ERG: variants seen among roughly 807,000 people sequenced by gnomAD.
The protein encoded by ERG is transcriptional regulator ERG.
A neutral mutation model predicts 55.3 loss-of-function variants in ERG; 9 were observed. The observed-to-expected ratio is 0.16, with a 90% confidence interval of 0.10 to 0.28. The LOEUF is 0.28. Among genes scored for constraint, ERG ranks in the 10% least tolerant of loss-of-function variants. The probability of loss-of-function intolerance (pLI) is 1.00; values close to 1 mark genes in which losing one functional copy is unlikely to be tolerated. For missense variants in ERG, 434 were observed against 631.6 expected, an observed-to-expected ratio of 0.69 and a Z score of 3.35; for synonymous variants, 223 against 237.3, an observed-to-expected ratio of 0.94 and a Z score of 0.55.
intron 6 of ERG, among the ~76,000 whole-genome samples, chr21:38,393,055 T>G (rs1988050552): frequency 6.6e-6 from 1 of 152,246 alleles, no homozygotes; most frequent in South Asian, 2.1e-4. Flanking sequence ...CTCCCATTTC[T>G]AATGTTCTAA....
intron 3 of ERG, among the ~76,000 whole-genome samples, chr21:38,422,935 T>C (rs1989611803): frequency 1.3e-5 from 2 of 152,194 alleles, no homozygotes; most frequent in Admixed American, 1.3e-4. Flanking sequence ...GACAGGATAT[T>C]TGGAACAATA....
At chr21:38,643,237 T>C (rs2060435840) in intron 1 of ERG, among the ~76,000 whole-genome samples, 1 of 152,206 alleles carries the variant, frequency 6.6e-6, no homozygotes, top group African/African-American at 2.4e-5. Flanking sequence ...TCAGGCAGGA[T>C]ACCAGAGCAC....
At chr21:38,453,055 G>A (rs1217846725) in intron 1 of ERG, among the ~76,000 whole-genome samples, 3 of 152,194 alleles carry the variant, frequency 2.0e-5, no homozygotes, top group Non-Finnish European at 2.9e-5. Context: ...ATGAAGAGAC[G>A]TGTTTTTGTG....
intron 1 of ERG, among the ~76,000 whole-genome samples, chr21:38,584,221 T>C (rs947606720): frequency 6.6e-6 from 1 of 152,184 alleles, no homozygotes; most frequent in African/African-American, 2.4e-5. Flanking sequence ...CCCCATAACC[T>C]TGATCCCTGC....
Position 38,403,540 on chromosome 21 carries a change from G to A in ERG, c.558C>T (p.Asp186=), listed in dbSNP as rs1023067083. 2.5e-6 allele frequency: 4 copies of A among 1,614,068 alleles called. No homozygotes were observed. The highest frequency in any genetic ancestry group is 2.7e-5 in the African/African-American group (2 of 74,932). Residue 186 remains aspartate, a synonymous_variant, in exon 4 of 10, where the codon GAC becomes GAT. Coordinates refer to ENST00000288319, the MANE Select transcript of ERG (RefSeq NM_182918.4). ...FQRLTPSYNA[D]ILLSHLHYLR... ...GGTAGTGGAGATGTGAGAGAAGGAT[G>A]TCGGCGTTGTAGCTGGGGGTGAGCC...
At chr21:38,466,847 C>T (rs1302326632) in intron 1 of ERG, among the ~76,000 whole-genome samples, 2 of 152,146 alleles carry the variant, frequency 1.3e-5, no homozygotes, top group Non-Finnish European at 2.9e-5. Context: ...AACAGGGTTT[C>T]TCTACTGGAA....
intron 7 of ERG, among the ~76,000 whole-genome samples, 176 bp from the exon 8 acceptor site, chr21:38,391,891 G>A (rs1173682481): frequency 6.6e-6 from 1 of 151,224 alleles, no homozygotes; most frequent in Non-Finnish European, 1.5e-5. Context: ...TGTAAACACT[G>A]TAACAAAAAA....
intron 2 of ERG, among the ~76,000 whole-genome samples, chr21:38,533,303 C>T (rs189190626): frequency 7.7e-4 from 117 of 152,244 alleles, no homozygotes; most frequent in Non-Finnish European, 1.4e-3. Flanking sequence ...ACAAAGACGA[C>T]AACTGGTTTA....
chr21:38,449,130 C>T (rs1208835914), intron 1 of ERG: 1 of 152,212 alleles, frequency 6.6e-6, no homozygotes, highest in Non-Finnish European at 1.5e-5. Context: ...GCTTCAGTGG[C>T]TTTATAACAG....
intron 2 of ERG, among the ~76,000 whole-genome samples, chr21:38,441,926 G>A (rs982405385): frequency 1.5e-4 from 23 of 152,198 alleles, no homozygotes; most frequent in Admixed American, 5.9e-4. Context: ...CGAACCCACC[G>A]GAGGACCCGG....
chr21:38,407,571 T>C (rs1039278202), intron 3 of ERG, among the ~76,000 whole-genome samples: 2 of 149,490 alleles, frequency 1.3e-5, no homozygotes, highest in African/African-American at 4.9e-5. Flanking sequence ...ATACTTGGGT[T>C]ACAAATTATT....
At position 38,429,156 on chromosome 21, in the gene ERG, G is replaced by A. The variant is rs376953566; in HGVS notation, c.237-5595C>T. Among the ~76,000 whole-genome samples, 215 of 152,142 alleles carry A rather than the reference G, an allele frequency of 1.4e-3. 1 individual carries two copies. The highest frequency in any genetic ancestry group is 4.1e-3 in the African/African-American group (172 of 41,498). On this transcript the variant is annotated intron_variant, in intron 2 of 9. Coordinates refer to ENST00000288319, the MANE Select transcript of ERG (RefSeq NM_182918.4). Reference sequence around the variant, plus strand: ...ACAATATTTGGTTTTCCATTCCTGAGTTACTTCGGTTAGAATAATGGTCTC... The same window carrying A: ...ACAATATTTGGTTTTCCATTCCTGAATTACTTCGGTTAGAATAATGGTCTC...
chr21:38,605,966 G>C (rs978815642), intron 1 of ERG, among the ~76,000 whole-genome samples: 3 of 152,122 alleles, frequency 2.0e-5, no homozygotes, highest in African/African-American at 7.2e-5. Context: ...GAAGTAGGTA[G>C]GTAGATAGGT....
chr21:38,571,314 C>A (rs913269336), intron 2 of ERG, among the ~76,000 whole-genome samples: 2 of 151,946 alleles, frequency 1.3e-5, no homozygotes, highest in Admixed American at 6.6e-5. Flanking sequence ...AGTTTGAGAC[C>A]AGCCTGGGCA....
chr21:38,473,772 C>T (rs2059161616), intron 1 of ERG, among the ~76,000 whole-genome samples: 2 of 146,440 alleles, frequency 1.4e-5, no homozygotes, highest in South Asian at 2.2e-4. Flanking sequence ...GATTTTGGAT[C>T]TAAACAGGCA....
chr21:38,432,257 G>T (rs1056086925), intron 2 of ERG, among the ~76,000 whole-genome samples: 1 of 151,946 alleles, frequency 6.6e-6, no homozygotes, highest in African/African-American at 2.4e-5. Flanking sequence ...ACCACACCCA[G>T]CTGTTTTTTA....
chr21:38,560,297 G>A (rs2059884993), intron 2 of ERG, among the ~76,000 whole-genome samples: 1 of 152,124 alleles, frequency 6.6e-6, no homozygotes, highest in Admixed American at 6.5e-5. Context: ...CCCCAGAGGT[G>A]TCCCACTAGG....
At chr21:38,526,437 C>G (rs2059631034) in intron 2 of ERG, among the ~76,000 whole-genome samples, 1 of 152,140 alleles carries the variant, frequency 6.6e-6, no homozygotes, top group East Asian at 1.9e-4. Context: ...GACTGTAAGA[C>G]TATATTGTAG....
chr21:38,573,804 T>C (rs1178959623), intron 2 of ERG, among the ~76,000 whole-genome samples: 2 of 152,230 alleles, frequency 1.3e-5, no homozygotes, highest in African/African-American at 4.8e-5. Flanking sequence ...TTTGTCTCTG[T>C]GTCTTATTTC....
Sources: gnomAD v4.1 joint callset for allele counts (sites outside exome capture counted in the v4.1 genomes callset) on GRCh38, gnomAD v4.1.1 for gene constraint, MANE v1.5 for transcripts, NCBI Gene and HGNC (gene_info 2026-07-23, HGNC 2026-07-21) for gene names.